Variants in KCNMA1 observed in about 807,000 individuals in gnomAD.
The protein encoded by KCNMA1 is Calcium-activated potassium channel subunit alpha-1.
Under a neutral mutation model 140.0 loss-of-function variants are expected in KCNMA1, and 29 were observed. The observed-to-expected ratio is 0.21, with a 90% CI of 0.15 to 0.28. KCNMA1 has a LOEUF of 0.28. KCNMA1 is among the 10% of genes least tolerant of loss of function. The pLI is 1.00. For missense variants in KCNMA1, 880 were observed against 1,602.2 expected, an observed-to-expected ratio of 0.55 and a Z score of 7.70; for synonymous variants, 612 against 611.9, an observed-to-expected ratio of 1.00 and a Z score of 0.00.
At chr10:77,494,990 G>C (rs1207557012) in intron 1 of KCNMA1, among the ~76,000 whole-genome samples, 1 of 152,136 alleles carries the variant, frequency 6.6e-6, no homozygotes, top group Non-Finnish European at 1.5e-5. Context: ...TATGACACCA[G>C]TTATTTTGGG....
chr10:77,609,611 GTA>G (rs1257182609), intron 1 of KCNMA1, among the ~76,000 whole-genome samples: 7 of 152,110 alleles, frequency 4.6e-5, no homozygotes, highest in Admixed American at 4.6e-4. Context: ...CAAAAAATAG[GTA>G]TATGAGATAA....
At chr10:77,448,247 A>T (rs1488076091) in intron 1 of KCNMA1, among the ~76,000 whole-genome samples, 1 of 152,182 alleles carries the variant, frequency 6.6e-6, no homozygotes, top group African/African-American at 2.4e-5. Context: ...TCCTGCATGG[A>T]GAGGTCACAG....
intron 2 of KCNMA1, among the ~76,000 whole-genome samples, chr10:77,360,600 G>A (rs548731807): frequency 2.2e-4 from 34 of 152,284 alleles, no homozygotes; most frequent in Non-Finnish European, 3.4e-4. Flanking sequence ...CACCTGGGAC[G>A]ACCGGCATCC....
intron 23 of KCNMA1, among the ~76,000 whole-genome samples, chr10:76,928,347 G>A (rs1334963233): frequency 1.3e-5 from 2 of 150,828 alleles, no homozygotes; most frequent in Non-Finnish European, 2.9e-5. Context: ...AAAGAGAGAA[G>A]AAATATATTC....
At chr10:77,551,035 T>C (rs577700914) in intron 1 of KCNMA1, among the ~76,000 whole-genome samples, 9 of 152,172 alleles carry the variant, frequency 5.9e-5, no homozygotes, top group Non-Finnish European at 1.3e-4. Flanking sequence ...TCTTGCTATG[T>C]TGCCCAGGTT....
At chr10:77,332,383 T>G (rs773388714) in intron 2 of KCNMA1, among the ~76,000 whole-genome samples, 18 of 152,132 alleles carry the variant, frequency 1.2e-4, no homozygotes, top group Non-Finnish European at 2.2e-4. Flanking sequence ...CACCCAACAT[T>G]ATTCTGTGCT....
At chr10:77,595,203 C>T (rs1306552230) in intron 1 of KCNMA1, among the ~76,000 whole-genome samples, 8 of 151,900 alleles carry the variant, frequency 5.3e-5, no homozygotes, top group Non-Finnish European at 7.4e-5. Flanking sequence ...AAAAATTAGC[C>T]GGGCATGGTG....
chr10:77,272,466 C>T (rs1008520955), intron 2 of KCNMA1, among the ~76,000 whole-genome samples: 11 of 152,266 alleles, frequency 7.2e-5, no homozygotes, highest in Admixed American at 4.6e-4. Context: ...AGACAATAAG[C>T]CCCTTTGATG....
chr10:76,895,583 G>A (rs551129581), intron 25 of KCNMA1, among the ~76,000 whole-genome samples: 17 of 152,172 alleles, frequency 1.1e-4, no homozygotes, highest in Middle Eastern at 3.4e-3. Context: ...TATTATATCC[G>A]TGCAATGAGT....
At chr10:77,020,871 A>C (rs2092755395) in intron 16 of KCNMA1, 1 of 152,130 alleles carries the variant, frequency 6.6e-6, no homozygotes, top group Admixed American at 6.6e-5. Context: ...TAGCTGTTTG[A>C]CTTTGGGCCA....
intron 9 of KCNMA1, chr10:77,091,123 G>C (rs1389710767): frequency 6.3e-6 from 1 of 159,130 alleles, no homozygotes; most frequent in Admixed American, 5.9e-5. Context: ...TACAGTAAGT[G>C]AGCATTACTC....
chr10:77,250,909 G>A, intron 3 of KCNMA1: 1 of 409,552 alleles, frequency 2.4e-6, no homozygotes. Flanking sequence ...CATCTTCAGT[G>A]CAAATACATC....
chr10:77,571,359 G>A (rs573203688), intron 1 of KCNMA1, among the ~76,000 whole-genome samples: 1 of 152,300 alleles, frequency 6.6e-6, no homozygotes, highest in South Asian at 2.1e-4. Context: ...GAGAGAATGT[G>A]CATTTGATTC....
chr10:77,025,267 TATATATATATATATAC>T (rs1475876987), intron 16 of KCNMA1, among the ~76,000 whole-genome samples: 2 of 113,430 alleles, frequency 1.8e-5, no homozygotes, highest in Non-Finnish European at 3.6e-5. Flanking sequence ...TATATATATA[TATATATATATATATAC>T]ACACACACAT....
At chr10:77,432,941 T>A (rs1396234842) in intron 1 of KCNMA1, among the ~76,000 whole-genome samples, 1 of 151,820 alleles carries the variant, frequency 6.6e-6, no homozygotes, top group Non-Finnish European at 1.5e-5. Flanking sequence ...ATGATTGGGA[T>A]GGAGTAGAGA....
At chr10:77,068,513 C>T (rs2096046858) in intron 14 of KCNMA1, among the ~76,000 whole-genome samples, 1 of 151,880 alleles carries the variant, frequency 6.6e-6, no homozygotes, top group Non-Finnish European at 1.5e-5. Flanking sequence ...CATTCAGAAA[C>T]AGAAAACATG....
intron 2 of KCNMA1, among the ~76,000 whole-genome samples, chr10:77,346,504 T>C (rs2092160666): frequency 1.3e-5 from 2 of 152,218 alleles, no homozygotes; most frequent in South Asian, 2.1e-4. Flanking sequence ...CTAGAGTTTA[T>C]ATGGAAAATT....
At chr10:77,341,460 C>T (rs1368277582) in intron 2 of KCNMA1, among the ~76,000 whole-genome samples, 1 of 152,136 alleles carries the variant, frequency 6.6e-6, no homozygotes, top group Non-Finnish European at 1.5e-5. Context: ...CTGGCTTTTT[C>T]TCCCTCCTCC....
intron 1 of KCNMA1, among the ~76,000 whole-genome samples, chr10:77,435,247 A>T (rs1471424046): frequency 1.3e-5 from 2 of 152,206 alleles, no homozygotes; most frequent in Admixed American, 1.3e-4. Context: ...TTAAATAAAT[A>T]TATCTTAAGG....
Sources: allele counts gnomAD v4.1 joint callset (sites outside exome capture counted in the v4.1 genomes callset), GRCh38; gene constraint gnomAD v4.1.1; transcripts MANE v1.5; gene names NCBI Gene and HGNC (gene_info 2026-07-23, HGNC 2026-07-21).